The following CREB5 variants were observed in gnomAD, a reference collection of about 807,000 sequenced individuals.
CREB5 encodes the protein cAMP responsive element binding protein 5, also known as cyclic AMP-responsive element-binding protein 5.
A neutral mutation model predicts 57.1 loss-of-function variants in CREB5; 19 were observed. The ratio of observed to expected loss-of-function variants is 0.33; its 90% CI spans 0.23 to 0.49. The LOEUF (loss-of-function observed/expected upper bound fraction) is 0.49. Among genes scored for constraint, CREB5 ranks in the 20% least tolerant of loss-of-function variants. The pLI is 0.99. For synonymous variants in CREB5, 238 were observed against 238.3 expected (o/e 1.00, Z 0.01); for missense variants, 579 against 671.6 (o/e 0.86, Z 1.52).
intron 1 of CREB5, among the ~76,000 whole-genome samples, chr7:28,448,421 G>A (rs763783483): frequency 2.0e-5 from 3 of 152,214 alleles, no homozygotes; most frequent in Non-Finnish European, 2.9e-5. Context: ...CCTGCTCAAT[G>A]TGGTGTTGGA....
chr7:28,479,411 C>T (rs1209515021), intron 1 of CREB5, among the ~76,000 whole-genome samples: 1 of 152,188 alleles, frequency 6.6e-6, no homozygotes, highest in African/African-American at 2.4e-5. Flanking sequence ...GGAAATGATG[C>T]CTTTTCTAGG....
At chr7:28,356,331 A>G (rs1432426804) in intron 1 of CREB5, among the ~76,000 whole-genome samples, 1 of 152,240 alleles carries the variant, frequency 6.6e-6, no homozygotes, top group African/African-American at 2.4e-5. Context: ...ATGTATTTGT[A>G]TTATAACACA....
chr7:28,749,943 C>T (rs558659920), intron 7 of CREB5, among the ~76,000 whole-genome samples: 1 of 149,828 alleles, frequency 6.7e-6, no homozygotes, highest in African/African-American at 2.4e-5. Context: ...TTTTTTTTAA[C>T]GTGCATTATA....
chr7:28,311,573 G>A (rs920675379), intron 1 of CREB5, among the ~76,000 whole-genome samples: 52 of 152,322 alleles, frequency 3.4e-4, no homozygotes, highest in African/African-American at 1.2e-3. Context: ...CAGGAAATTA[G>A]TGTAGCCACT....
At chr7:28,754,100 T>C in intron 7 of CREB5, among the ~76,000 whole-genome samples, 1 of 152,168 alleles carries the variant, frequency 6.6e-6, no homozygotes, top group East Asian at 1.9e-4. Flanking sequence ...ATGAAACTTT[T>C]GTATGCAGTG....
rs1250662577 is a variant in CREB5, at chr7:28,551,922, TTC to T, written c.292-18441_292-18440del. 9.4e-5 allele frequency among the ~76,000 whole-genome samples: 12 copies of T among 128,284 alleles called. No homozygotes were observed. The East Asian group carries it at 1.8e-3, about 19-fold the overall frequency. 84.2% of individuals were successfully genotyped at this position (128,284 alleles called of 152,430 possible). ...TTCTCTTTTCTTTTCTTTCTCTTTT[TTC>T]TTTCTTTCTTTTTTCTCTCTTTTTT... On this transcript the variant is annotated intron_variant, in intron 4 of 10. Transcript: ENST00000357727.
intron 2 of CREB5, among the ~76,000 whole-genome samples, chr7:28,493,828 T>C (rs1050864116): frequency 6.6e-6 from 1 of 152,198 alleles, no homozygotes; most frequent in African/African-American, 2.4e-5. Flanking sequence ...GTTTATTACA[T>C]TGTACAGAAC....
At chr7:28,410,239 C>T (rs751082999), upstream of CREB5, 1 of 454,656 alleles carries the variant, frequency 2.2e-6, no homozygotes, top group South Asian at 1.6e-5. Context: ...GGCGAGGCTC[C>T]GTCCGCTCCA....
chr7:28,534,547 C>T (rs1260640793), intron 4 of CREB5, among the ~76,000 whole-genome samples: 2 of 152,224 alleles, frequency 1.3e-5, no homozygotes, highest in Non-Finnish European at 2.9e-5. Flanking sequence ...CAGCCAGCAT[C>T]CCAGTGTAAC....
chr7:28,307,960 G>A (rs1367542965), intron 1 of CREB5, among the ~76,000 whole-genome samples: 1 of 152,218 alleles, frequency 6.6e-6, no homozygotes, highest in East Asian at 1.9e-4. Context: ...AAGCAGGGCA[G>A]CGCCCAAGGA....
chr7:28,792,928 C>A (rs879485342), intron 7 of CREB5, among the ~76,000 whole-genome samples: 1 of 152,066 alleles, frequency 6.6e-6, no homozygotes, highest in Non-Finnish European at 1.5e-5. Flanking sequence ...GCCATATGAC[C>A]CAGACCATTC....
At chr7:28,451,958 G>A (rs6961352) in intron 1 of CREB5, among the ~76,000 whole-genome samples, 70,368 of 151,926 alleles carry the variant, frequency 0.46, 16,446 homozygotes, top group Admixed American at 0.5. Context: ...TGGAAGTTGC[G>A]GGAAGGTGTC....
chr7:28,362,666 G>A (rs1786510070), intron 1 of CREB5, among the ~76,000 whole-genome samples: 1 of 152,184 alleles, frequency 6.6e-6, no homozygotes, highest in East Asian at 1.9e-4. Context: ...TGTATGAGCT[G>A]TAATTAATAG....
intron 1 of CREB5, among the ~76,000 whole-genome samples, chr7:28,371,769 C>T (rs1053995041): frequency 2.0e-5 from 3 of 152,178 alleles, no homozygotes; most frequent in Admixed American, 6.5e-5. Flanking sequence ...TTCTAAGACG[C>T]CGTTGCTTAT....
chr7:28,641,156 A>T (rs1016815308), intron 5 of CREB5, among the ~76,000 whole-genome samples: 10 of 152,090 alleles, frequency 6.6e-5, no homozygotes, highest in African/African-American at 2.4e-4. Flanking sequence ...AGCTGGGTTA[A>T]TGTTAGCTAA....
chr7:28,670,915 C>T (rs1489948804), intron 5 of CREB5, among the ~76,000 whole-genome samples: 4 of 152,094 alleles, frequency 2.6e-5, no homozygotes, highest in African/African-American at 9.7e-5. Context: ...AGGCTGGTCT[C>T]GAACTCCTGG....
intron 1 of CREB5, among the ~76,000 whole-genome samples, chr7:28,477,857 A>G (rs1423791086): frequency 3.3e-5 from 5 of 152,200 alleles, no homozygotes; most frequent in South Asian, 2.1e-4. Flanking sequence ...GCTCACACCT[A>G]TAATCCCAGC....
intron 1 of CREB5, among the ~76,000 whole-genome samples, chr7:28,447,142 G>T (rs1789521817): frequency 6.6e-6 from 1 of 152,212 alleles, no homozygotes; most frequent in Non-Finnish European, 1.5e-5. Flanking sequence ...ATAGCACAGG[G>T]CTTGCAGGGC....
chr7:28,660,360 C>T (rs1025917236), intron 5 of CREB5, among the ~76,000 whole-genome samples: 3 of 147,382 alleles, frequency 2.0e-5, no homozygotes, highest in Non-Finnish European at 4.5e-5. Context: ...CCCAGCCAAA[C>T]TATCATCTAT....
Sources: allele counts gnomAD v4.1 joint callset (sites outside exome capture counted in the v4.1 genomes callset), GRCh38; gene constraint gnomAD v4.1.1; transcripts MANE v1.5; gene names NCBI Gene and HGNC (gene_info 2026-07-23, HGNC 2026-07-21).